The following PARN variants were observed in gnomAD, a reference collection of about 807,000 sequenced individuals.
PARN encodes poly(A)-specific ribonuclease, also known as poly(A)-specific ribonuclease PARN.
A neutral mutation model predicts 102.8 loss-of-function variants in PARN; 71 were observed. The observed-to-expected ratio is 0.69, with a 90% CI of 0.57 to 0.84. PARN has a LOEUF of 0.84. Ranked by LOEUF, PARN falls within the 40% of genes least tolerant of loss-of-function variation. PARN has a pLI of 0.00. For synonymous variants in PARN, 261 were observed against 252.9 expected, an observed-to-expected ratio of 1.03 and a Z score of -0.30; for missense variants, 782 against 760.9, an observed-to-expected ratio of 1.03 and a Z score of -0.33.
At chr16:14,484,154 C>T (rs1050669964) in intron 21 of PARN, among the ~76,000 whole-genome samples, 3 of 152,222 alleles carry the variant, frequency 2.0e-5, no homozygotes, top group Admixed American at 6.5e-5. Flanking sequence ...CTCCGTAATG[C>T]GCCTCTGGCT....
chr16:14,444,501 C>G (rs1961102680), intron 23 of PARN, among the ~76,000 whole-genome samples: 1 of 151,994 alleles, frequency 6.6e-6, no homozygotes, highest in Non-Finnish European at 1.5e-5. Context: ...ATAAAAGGAA[C>G]TAATCTATTA....
At chr16:14,468,199 G>T (rs1962483334) in intron 22 of PARN, among the ~76,000 whole-genome samples, 1 of 152,156 alleles carries the variant, frequency 6.6e-6, no homozygotes, top group Admixed American at 6.5e-5. Context: ...AGGAGGGCTT[G>T]AATTTATTGA....
chr16:14,464,767 G>GT (rs1407911278), intron 22 of PARN, among the ~76,000 whole-genome samples: 6 of 147,752 alleles, frequency 4.1e-5, no homozygotes, highest in African/African-American at 1.2e-4. Flanking sequence ...AAAAATAAAA[G>GT]TAAAAAAAAA....
At chr16:14,457,305 C>T (rs1422494596) in intron 22 of PARN, among the ~76,000 whole-genome samples, 2 of 151,950 alleles carry the variant, frequency 1.3e-5, no homozygotes, top group African/African-American at 2.4e-5. Context: ...TGGAGAGATC[C>T]GGTAAGTGGG....
At chr16:14,612,662 A>T (rs1971588418) in intron 6 of PARN, among the ~76,000 whole-genome samples, 1 of 150,816 alleles carries the variant, frequency 6.6e-6, no homozygotes, top group Non-Finnish European at 1.5e-5. Context: ...CAATGGCACG[A>T]TCTCGGCTCA....
chr16:14,582,379 G>A (rs1351608741), intron 16 of PARN, 88 bp from the exon 17 acceptor site: 3 of 832,866 alleles, frequency 3.6e-6, no homozygotes, highest in Non-Finnish European at 6.3e-6. Flanking sequence ...GCATATGCTA[G>A]AGAAATACCC....
At chr16:14,522,604 G>C (rs964776529) in intron 21 of PARN, among the ~76,000 whole-genome samples, 2 of 152,124 alleles carry the variant, frequency 1.3e-5, no homozygotes, top group Non-Finnish European at 2.9e-5. Context: ...GTGGAAAAAA[G>C]GGGAAAACAA....
rs116359306 is a variant in PARN, at chr16:14,443,338, T to C, written c.1864+3550A>G. On this transcript the variant is annotated intron_variant, in intron 23 of 23. Coordinates refer to ENST00000437198, the MANE Select transcript of PARN (RefSeq NM_002582.4). ...AGAAAAAGAACAGATATAAAGAGAT[T>C]ACTTTTTTTTTTTTTTTTTGAGACA... 9.9e-3 allele frequency among the ~76,000 whole-genome samples: 1,485 copies of C among 149,486 alleles called. 26 individuals are homozygous for C. The highest frequency in any genetic ancestry group is 0.035 in the African/African-American group (1,411 of 40,204).
chr16:14,534,108 A>G (rs1374964470), intron 21 of PARN, among the ~76,000 whole-genome samples: 3 of 151,772 alleles, frequency 2.0e-5, no homozygotes, highest in Non-Finnish European at 2.9e-5. Context: ...AGTCCCAGCT[A>G]CTCAGAAGGC....
intron 21 of PARN, among the ~76,000 whole-genome samples, chr16:14,504,450 T>A (rs917351470): frequency 2.6e-5 from 4 of 152,002 alleles, no homozygotes; most frequent in African/African-American, 7.3e-5. Context: ...TCCCAGCTAC[T>A]CGGGAGGCTG....
At chr16:14,623,031 G>T (rs1972416572) in intron 5 of PARN, among the ~76,000 whole-genome samples, 1 of 151,558 alleles carries the variant, frequency 6.6e-6, no homozygotes, top group Admixed American at 6.6e-5. Context: ...TTGAGCTGGT[G>T]AGGTCAAGGC....
chr16:14,591,937 C>G (rs529936618), intron 13 of PARN: 16 of 152,218 alleles, frequency 1.1e-4, no homozygotes, highest in African/African-American at 3.4e-4. Context: ...ACTCGGGAGG[C>G]TGAGGCAGGA....
At chr16:14,621,625 T>C (rs566296229) in intron 5 of PARN, among the ~76,000 whole-genome samples, 7 of 151,778 alleles carry the variant, frequency 4.6e-5, no homozygotes, top group African/African-American at 1.4e-4. Flanking sequence ...TCCTGGCTAA[T>C]ACGGTGAAAA....
At chr16:14,615,303 GAA>G (rs201764886) in intron 6 of PARN, among the ~76,000 whole-genome samples, 2 of 129,378 alleles carry the variant, frequency 1.5e-5, no homozygotes, top group South Asian at 2.5e-4. Context: ...TCTTTTATGG[GAA>G]AAAAAAAAAA....
intron 21 of PARN, among the ~76,000 whole-genome samples, chr16:14,547,910 GCT>G (rs1425327416): frequency 3.1e-4 from 47 of 151,990 alleles, no homozygotes; most frequent in African/African-American, 1.1e-3. Context: ...CCTAAGAGGC[GCT>G]CTGTTTCCAC....
intron 22 of PARN, among the ~76,000 whole-genome samples, chr16:14,476,695 A>T (rs1040023116): frequency 1.1e-4 from 16 of 152,170 alleles, no homozygotes; most frequent in South Asian, 2.1e-4. Context: ...AAACAAAATT[A>T]AAAAATAAAT....
intron 11 of PARN, among the ~76,000 whole-genome samples, chr16:14,603,116 G>T (rs1348244862): frequency 6.6e-6 from 1 of 151,962 alleles, no homozygotes; most frequent in African/African-American, 2.4e-5. Flanking sequence ...TAGAGATGGG[G>T]TTTCGCTATG....
intron 18 of PARN, among the ~76,000 whole-genome samples, chr16:14,556,071 G>C (rs566799475): frequency 5.3e-5 from 8 of 152,056 alleles, no homozygotes; most frequent in African/African-American, 7.2e-5. Flanking sequence ...CTGGCCTCAA[G>C]TGATCTACCT....
chr16:14,581,756 T>TA (rs887372031), intron 17 of PARN, among the ~76,000 whole-genome samples: 2 of 152,014 alleles, frequency 1.3e-5, no homozygotes, highest in African/African-American at 2.4e-5. Context: ...CCTGTCTCTA[T>TA]AAAAAAATTA....
Sources: allele counts gnomAD v4.1 joint callset (sites outside exome capture counted in the v4.1 genomes callset), GRCh38; gene constraint gnomAD v4.1.1; transcripts MANE v1.5; gene names NCBI Gene and HGNC (gene_info 2026-07-23, HGNC 2026-07-21).